RIPK1: variants seen among roughly 807,000 people sequenced by gnomAD.
The protein encoded by RIPK1 is receptor-interacting serine/threonine-protein kinase 1.
Under a neutral mutation model 62.4 loss-of-function variants are expected in RIPK1, and 27 were observed. That is an observed-to-expected ratio of 0.43 (90% CI 0.32 to 0.60). The LOEUF (loss-of-function observed/expected upper bound fraction) is 0.60. RIPK1 is among the 20% of genes least tolerant of loss of function. RIPK1 has a pLI of 0.07. For synonymous variants in RIPK1, 287 were observed against 303.2 expected (o/e 0.95, Z 0.55); for missense variants, 735 against 831.0 (o/e 0.88, Z 1.42).
intron 1 of RIPK1, among the ~76,000 whole-genome samples, chr6:3,074,312 G>A (rs575900192): frequency 3.3e-5 from 5 of 152,246 alleles, no homozygotes; most frequent in East Asian, 3.8e-4. Context: ...TGTATAAGGC[G>A]ACTTTCACTT....
intron 9 of RIPK1, among the ~76,000 whole-genome samples, 153 bp from the exon 10 acceptor site, chr6:3,110,650 G>A (rs1162203853): frequency 6.6e-6 from 1 of 151,678 alleles, no homozygotes; most frequent in Non-Finnish European, 1.5e-5. Context: ...GGTATGAGGT[G>A]GTTTAGCCAG....
upstream of RIPK1, chr6:3,068,326 T>C (rs974870650): frequency 6.1e-6 from 6 of 985,394 alleles, no homozygotes; most frequent in Non-Finnish European, 7.2e-6. Context: ...GTTTCCTCTT[T>C]TACGTAGGCC....
intron 1 of RIPK1, among the ~76,000 whole-genome samples, chr6:3,073,474 G>A (rs573141572): frequency 6.2e-4 from 95 of 152,166 alleles, no homozygotes; most frequent in East Asian, 1.4e-3. Flanking sequence ...CCGTGCTCTC[G>A]GAGCTATGGC....
chr6:3,103,658 T>C (rs1760693659), intron 7 of RIPK1, among the ~76,000 whole-genome samples: 1 of 152,240 alleles, frequency 6.6e-6, no homozygotes, highest in South Asian at 2.1e-4. Flanking sequence ...TTATTTTTAC[T>C]CTTTACTTTT....
chr6:3,113,013 G>T lies in RIPK1; in HGVS notation c.1730-40G>T, dbSNP rs749748403. ...TTCAGGAAGCTGGAATGTTTGAATGGGTTTTAGCTTGATACCTTCTTCTTT... is the reference window on the plus strand; with the variant it reads ...TTCAGGAAGCTGGAATGTTTGAATGTGTTTTAGCTTGATACCTTCTTCTTT... On this transcript the variant is annotated intron_variant, in intron 10 of 10. Transcript: ENST00000259808. The surrounding 1 kb of genome is among the most constrained non-coding windows in gnomAD (Gnocchi z 5.0). The T allele has an allele frequency of 6.7e-7, 1 of 1,490,376 alleles. No homozygotes were observed. Among genetic ancestry groups the T allele is most frequent in the Admixed American group, 2.3e-5 (1 of 44,256 alleles). 92.3% of individuals were successfully genotyped at this position (1,490,376 alleles called of 1,614,324 possible).
chr6:3,068,021 G>A (rs1758461944), upstream of RIPK1: 1 of 192,204 alleles, frequency 5.2e-6, no homozygotes, highest in Admixed American at 6.5e-5. Context: ...TGGGATTACA[G>A]GCGTGAACAA....
chr6:3,113,473 T>C lies in RIPK1; in HGVS notation c.*134T>C. 3.8e-6 allele frequency: 3 copies of C among 780,938 alleles called. No homozygotes were observed. The highest frequency in any genetic ancestry group is 6.0e-6 in the Non-Finnish European group (3 of 499,754). The allele number at this position is 780,938 out of a possible 1,614,324, so 48.4% of individuals were successfully genotyped here. ...GTGTCTGCAGAAATTTTGTTTCCTG[T>C]ACTTCATAGCTGGAGAATGGGGAAA... On this transcript the variant is annotated 3_prime_UTR_variant, in exon 11 of 11. Coordinates refer to ENST00000259808, the MANE Select transcript of RIPK1 (RefSeq NM_001354930.2). The surrounding 1 kb of genome is among the most constrained non-coding windows in gnomAD (Gnocchi z 5.0).
intron 6 of RIPK1, among the ~76,000 whole-genome samples, chr6:3,089,171 G>T (rs1207027743): frequency 6.6e-6 from 1 of 152,054 alleles, no homozygotes; most frequent in Non-Finnish European, 1.5e-5. Context: ...TTCTTTTAAG[G>T]CTAACAGCTG....
chr6:3,075,173 C>T (rs1758985910), intron 1 of RIPK1, among the ~76,000 whole-genome samples: 1 of 152,214 alleles, frequency 6.6e-6, no homozygotes, highest in African/African-American at 2.4e-5. Context: ...ATACTCCCAC[C>T]AGTGATGTTT....
chr6:3,083,474 C>T (rs1449562085), intron 5 of RIPK1, among the ~76,000 whole-genome samples, 161 bp downstream of exon 5: 2 of 152,174 alleles, frequency 1.3e-5, no homozygotes. Context: ...GTGTCATTAG[C>T]TGGAGAGGTG....
intron 7 of RIPK1, among the ~76,000 whole-genome samples, chr6:3,103,900 A>G (rs1298510746): frequency 6.6e-6 from 1 of 152,188 alleles, no homozygotes; most frequent in African/African-American, 2.4e-5. Context: ...TCAAAAATCA[A>G]TTGGCCATTT....
At chr6:3,095,072 A>G (rs1379842914) in intron 7 of RIPK1, among the ~76,000 whole-genome samples, 2 of 152,018 alleles carry the variant, frequency 1.3e-5, no homozygotes, top group African/African-American at 4.8e-5. Context: ...AAAAAAAAGA[A>G]AAAAAAGACT....
At chr6:3,065,117 C>G (rs984536515), upstream of RIPK1, among the ~76,000 whole-genome samples, 1 of 151,616 alleles carries the variant, frequency 6.6e-6, no homozygotes, top group African/African-American at 2.4e-5. Context: ...AATAGCCGGG[C>G]GTGGTGGCGG....
At chr6:3,064,011 C>A (rs1248426879), upstream of RIPK1, 1 of 152,482 alleles carries the variant, frequency 6.6e-6, no homozygotes, top group Non-Finnish European at 1.5e-5. Context: ...TCCTGCGCCT[C>A]GGGAGTCGGC....
Position 3,113,211 on chromosome 6 carries a change from C to T in RIPK1, c.1888C>T (p.Gln630Ter), listed in dbSNP as rs1180946286. ...ERDGLKEKVY[Q>*]MLQKWVMREG... ...AGATGGACTGAAAGAAAAGGTTTAC[C>T]AGATGCTCCAAAAGTGGGTGATGAG... Residue 630 changes from glutamine (Q) to a stop codon, truncating the protein, a stop_gained, in exon 11 of 11, where the codon CAG becomes TAG. Transcript: ENST00000259808. LOFTEE classifies it low-confidence loss of function (END_TRUNC). The surrounding 1 kb of genome is among the most constrained non-coding windows in gnomAD (Gnocchi z 5.0). 6.2e-7 allele frequency: 1 copy of T among 1,613,982 alleles called. No individual in the cohort carries two copies. Among genetic ancestry groups the T allele is most frequent in the Non-Finnish European group, 8.5e-7 (1 of 1,179,980 alleles).
chr6:3,083,461 A>AG (rs1190464492), intron 5 of RIPK1, 148 bp downstream of exon 5: 1 of 665,272 alleles, frequency 1.5e-6, no homozygotes, highest in African/African-American at 1.8e-5. Context: ...GAACCTCGAT[A>AG]GTGTGTCATT....
At chr6:3,087,831 T>C (rs576940145) in intron 6 of RIPK1, among the ~76,000 whole-genome samples, 36 of 152,304 alleles carry the variant, frequency 2.4e-4, no homozygotes, top group African/African-American at 4.8e-4. Flanking sequence ...AGCCACTGTG[T>C]CCGGCCTACC....
At chr6:3,076,672 CCT>C (rs1289579184) in intron 1 of RIPK1, 90 bp from the exon 2 acceptor site, 3 of 219,528 alleles carry the variant, frequency 1.4e-5, no homozygotes, top group African/African-American at 1.0e-4. Flanking sequence ...AAAGTGAGAC[CCT>C]GTCTCCAAAG....
At chr6:3,085,165 C>A in intron 5 of RIPK1, 94 bp from the exon 6 acceptor site, 1 of 1,373,160 alleles carries the variant, frequency 7.3e-7, no homozygotes, top group South Asian at 1.2e-5. Flanking sequence ...GCAGCTGTAC[C>A]AGAGGCTGAG....
Sources: gnomAD v4.1 joint callset for allele counts (sites outside exome capture counted in the v4.1 genomes callset) on GRCh38, gnomAD v4.1.1 for gene constraint, Gnocchi (gnomAD v3.1) non-coding constraint, MANE v1.5 for transcripts, NCBI Gene and HGNC (gene_info 2026-07-23, HGNC 2026-07-21) for gene names.